CFAP44: variants seen among roughly 807,000 people sequenced by gnomAD.
CFAP44 encodes cilia and flagella associated protein 44.
Under a neutral mutation model 216.2 loss-of-function variants are expected in CFAP44, and 134 were observed. That is an observed-to-expected ratio of 0.62 (90% CI 0.54 to 0.72). The LOEUF is 0.72. Ranked by LOEUF, CFAP44 falls within the 30% of genes least tolerant of loss-of-function variation. The pLI is 0.00. For missense variants in CFAP44, 2,035 were observed against 2,182.1 expected, an observed-to-expected ratio of 0.93 and a Z score of 1.34; for synonymous variants, 700 against 727.6, an observed-to-expected ratio of 0.96 and a Z score of 0.61.
Position 113,408,949 on chromosome 3 carries a change from A to G in CFAP44, c.890+157T>C, listed in dbSNP as rs553483076. Among the ~76,000 whole-genome samples, 9 of 149,484 alleles carry G rather than the reference A, an allele frequency of 6.0e-5. No homozygotes were observed. The South Asian group carries it at 1.7e-3, about 28-fold the overall frequency. ...CATATCTAATTAGAAAAGGTGCATT[A>G]CTAGTTAGCTTTTAAAATAACATAT... On this transcript the variant is annotated intron_variant, in intron 7 of 34. Transcript: ENST00000393845.
chr3:113,436,056 A>C (rs921507719), intron 1 of CFAP44, among the ~76,000 whole-genome samples: 3 of 152,098 alleles, frequency 2.0e-5, no homozygotes, highest in Admixed American at 2.0e-4. Context: ...AAAACCTGTA[A>C]GTAGCAAAAT....
chr3:113,441,238 G>A (rs770823870), intron 1 of CFAP44, among the ~76,000 whole-genome samples: 1 of 152,204 alleles, frequency 6.6e-6, no homozygotes, highest in Non-Finnish European at 1.5e-5. Context: ...CGGTCAGACT[G>A]ACAGGGTCTT....
chr3:113,316,132 A>G (rs1030454743), intron 28 of CFAP44, among the ~76,000 whole-genome samples: 7 of 152,252 alleles, frequency 4.6e-5, no homozygotes, highest in African/African-American at 9.6e-5. Flanking sequence ...CTAGAAATCA[A>G]TAACAGAAAG....
chr3:113,379,749 C>G (rs868239069), intron 16 of CFAP44, among the ~76,000 whole-genome samples, 198 bp from the exon 17 acceptor site: 54 of 151,628 alleles, frequency 3.6e-4, no homozygotes, highest in African/African-American at 1.3e-3. Flanking sequence ...TTTGTTTTAC[C>G]CCCATCAATC....
At chr3:113,313,257 C>A (rs1452797315) in intron 28 of CFAP44, among the ~76,000 whole-genome samples, 1 of 152,106 alleles carries the variant, frequency 6.6e-6, no homozygotes, top group African/African-American at 2.4e-5. Flanking sequence ...GACTGCCCTG[C>A]TGGATTTCAG....
chr3:113,354,566 C>A (rs1419867797), intron 22 of CFAP44, among the ~76,000 whole-genome samples: 1 of 152,150 alleles, frequency 6.6e-6, no homozygotes, highest in Non-Finnish European at 1.5e-5. Flanking sequence ...CAGCCATAAT[C>A]CCCCTGGGAA....
chr3:113,320,676 G>A (rs1365878202), intron 28 of CFAP44, among the ~76,000 whole-genome samples: 1 of 151,808 alleles, frequency 6.6e-6, no homozygotes, highest in Non-Finnish European at 1.5e-5. Context: ...TGCAAGCTGA[G>A]GAGCAAGAAA....
chr3:113,337,816 C>T (rs1950293340), intron 24 of CFAP44, among the ~76,000 whole-genome samples: 1 of 152,044 alleles, frequency 6.6e-6, no homozygotes. Context: ...AAATGAAAAA[C>T]TATAAAATGT....
At position 113,373,570 on chromosome 3, in the gene CFAP44, A is replaced by G; in HGVS notation, c.2299-14T>C. ...ATCATAGCCACCCTAGAAAAGAGAT[A>G]AGTAACATAGAAGGTGGTACTTGAA... On this transcript the variant is annotated splice_polypyrimidine_tract_variant and intron_variant, in intron 17 of 34. Transcript: ENST00000393845. The G allele has an allele frequency of 6.4e-7, 1 of 1,563,250 alleles. No individual in the cohort carries two copies. The highest frequency in any genetic ancestry group is 1.4e-5 in the African/African-American group (1 of 73,380).
At chr3:113,405,423 A>G (rs1319179748) in intron 8 of CFAP44, among the ~76,000 whole-genome samples, 2 of 152,182 alleles carry the variant, frequency 1.3e-5, no homozygotes, top group African/African-American at 4.8e-5. Context: ...AGATGACAGC[A>G]ACAGCTTCTG....
intron 30 of CFAP44, 29 bp from the exon 31 acceptor site, chr3:113,305,181 T>G: frequency 6.6e-7 from 1 of 1,514,440 alleles, no homozygotes; most frequent in Non-Finnish European, 8.9e-7. Context: ...TGTGAAATGG[T>G]GACAAGACTC....
chr3:113,333,384 C>A, intron 25 of CFAP44, 22 bp downstream of exon 25: 3 of 1,531,736 alleles, frequency 2.0e-6, no homozygotes, highest in South Asian at 2.4e-5. Flanking sequence ...TCTCCATTGT[C>A]ATAAAATCTG....
At position 113,304,996 on chromosome 3, in the gene CFAP44, C is replaced by T. The variant is rs548011611; in HGVS notation, c.4875+40G>A. The T allele has an allele frequency of 8.8e-5, 134 of 1,519,064 alleles. No individual in the cohort carries two copies. In the African/African-American group the frequency reaches 1.7e-3, roughly 19 times the overall value. The allele number at this position is 1,519,064 out of a possible 1,614,324, so 94.1% of individuals were successfully genotyped here. ...TCTGAAAAGCTTGGGTGTGATGACT[C>T]TTCTCGGACAGGATGGAGCAGCCTC... On this transcript the variant is annotated intron_variant, in intron 31 of 34. Coordinates refer to ENST00000393845, the MANE Select transcript of CFAP44 (RefSeq NM_001164496.2).
rs916834924 is a variant in CFAP44, at chr3:113,287,176, C to T, written c.*4381G>A. 2 of 403,026 alleles carry T rather than the reference C, an allele frequency of 5.0e-6. No homozygotes were observed. The highest frequency in any genetic ancestry group is 1.5e-4 in the East Asian group (2 of 13,658). The allele number at this position is 403,026 out of a possible 1,614,324, so 25.0% of individuals were successfully genotyped here. On this transcript the variant is annotated 3_prime_UTR_variant, in exon 35 of 35. Transcript: ENST00000393845. ...GGCAGGCGAGGCTGCAGGAGGCCCA[C>T]AGATAAGCTGGCAAGAGGAAGGATC...
chr3:113,377,811 C>A (rs564826490), intron 17 of CFAP44, among the ~76,000 whole-genome samples: 81 of 152,202 alleles, frequency 5.3e-4, no homozygotes, highest in African/African-American at 1.7e-3. Flanking sequence ...TGCTACCATG[C>A]CCGGCTAATG....
At chr3:113,341,716 A>G (rs776639489) in intron 24 of CFAP44, 28 bp downstream of exon 24, 1 of 1,452,228 alleles carries the variant, frequency 6.9e-7, no homozygotes, top group South Asian at 1.5e-5. Flanking sequence ...TATTAAAAAG[A>G]TAAGAGTTTA....
Position 113,305,111 on chromosome 3 carries a change from G to A in CFAP44, c.4800C>T (p.Ala1600=), listed in dbSNP as rs774671780. 10 of 1,537,076 alleles carry A rather than the reference G, an allele frequency of 6.5e-6. No individual in the cohort carries two copies. Among genetic ancestry groups the A allele is most frequent in the African/African-American group, 1.4e-5 (1 of 73,016 alleles). The part of the protein sequence containing the change: ...VATNLNAAEE[A]LEAYQREKQQ... ...GCTTCTCTCGCTGATAAGCCTCCAG[G>A]GCCTCCTCTGCTGCATTCAGATTAG... The change falls in exon 31 of 35, where the codon GCC becomes GCT. Residue 1600 remains alanine (A), a synonymous_variant. Transcript: ENST00000393845.
Position 113,289,682 on chromosome 3 carries a change from GT to G in CFAP44, c.*1874del. The G allele has an allele frequency of 6.6e-6, 1 of 152,326 alleles. No homozygotes were observed. The highest frequency in any genetic ancestry group is 1.9e-4 in the East Asian group (1 of 5,178). 9.4% of individuals were successfully genotyped at this position (152,326 alleles called of 1,614,324 possible). A position where few individuals can be genotyped will look rare whatever the true frequency, so the allele number is the denominator to read the frequency against. ...TCAGTCCCCTCCCACATCACACAGG[GT>G]CAGCCTGTGACCCATATGACAATAG... On this transcript the variant is annotated 3_prime_UTR_variant, in exon 35 of 35. Transcript: ENST00000393845.
chr3:113,414,122 T>C (rs1047084016), intron 6 of CFAP44, among the ~76,000 whole-genome samples: 6 of 152,196 alleles, frequency 3.9e-5, no homozygotes, highest in African/African-American at 1.4e-4. Flanking sequence ...TTTGTAGTGA[T>C]TGTGAATGGA....
Sources: gnomAD v4.1 joint callset for allele counts (sites outside exome capture counted in the v4.1 genomes callset) on GRCh38, gnomAD v4.1.1 for gene constraint, MANE v1.5 for transcripts, NCBI Gene and HGNC (gene_info 2026-07-23, HGNC 2026-07-21) for gene names.